Variants in SMYD3 observed in about 807,000 individuals in gnomAD.
SMYD3 encodes histone-lysine N-methyltransferase SMYD3.
Under a neutral mutation model 57.7 loss-of-function variants are expected in SMYD3, and 36 were observed. That is an observed-to-expected ratio of 0.62 (90% CI 0.48 to 0.82). The LOEUF is 0.82. SMYD3 is among the 40% of genes least tolerant of loss of function. The pLI, the probability that SMYD3 is intolerant of heterozygous loss-of-function variation, is 0.00. For missense variants in SMYD3, 515 were observed against 538.8 expected (o/e 0.96, Z 0.44); for synonymous variants, 211 against 195.0 (o/e 1.08, Z -0.68).
chr1:246,107,608 A>G (rs1000603943), intron 5 of SMYD3, among the ~76,000 whole-genome samples: 1 of 151,836 alleles, frequency 6.6e-6, no homozygotes, highest in Non-Finnish European at 1.5e-5. Context: ...TCATTCAAAC[A>G]AAGTTTATTA....
intron 5 of SMYD3, among the ~76,000 whole-genome samples, chr1:246,006,871 C>T (rs2059182422): frequency 6.6e-6 from 1 of 152,140 alleles, no homozygotes; most frequent in Non-Finnish European, 1.5e-5. Context: ...GAGCCTGGAG[C>T]CTCTAAAACA....
intron 10 of SMYD3, among the ~76,000 whole-genome samples, chr1:245,771,139 T>TATAC (rs140025152): frequency 0.081 from 12,247 of 151,712 alleles, 652 homozygotes; most frequent in East Asian, 0.3. Flanking sequence ...TACATGTATA[T>TATAC]ATACATACAT....
In SMYD3 at chr1:246,391,604, A is replaced by G. The variant is rs1022536203; in HGVS notation, c.165-36510T>C. On this transcript the variant is annotated intron_variant, in intron 1 of 11. Coordinates refer to ENST00000490107, the MANE Select transcript of SMYD3 (RefSeq NM_001167740.2). ...TTCAAAAGAAAACAAACCAGTAATC[A>G]TAAGAATGCTGCAGTGACTATATTA... is the stretch of plus-strand genomic sequence containing the variant. Among the ~76,000 whole-genome samples the G allele has an allele frequency of 3.3e-5, 5 of 152,196 alleles. No homozygotes were observed. In the East Asian group the frequency reaches 5.8e-4, roughly 18 times the overall value.
chr1:246,001,037 C>G (rs2148148809), intron 5 of SMYD3, among the ~76,000 whole-genome samples: 1 of 152,284 alleles, frequency 6.6e-6, no homozygotes, highest in South Asian at 2.1e-4. Context: ...CCCATTTACA[C>G]CACTTCACTC....
intron 3 of SMYD3, among the ~76,000 whole-genome samples, chr1:246,334,754 C>A (rs1373053419): frequency 6.6e-6 from 1 of 151,920 alleles, no homozygotes; most frequent in East Asian, 1.9e-4. Flanking sequence ...AGAAGTAGAG[C>A]CTAAAGAATT....
chr1:245,931,938 A>C (rs1373269860), intron 5 of SMYD3, among the ~76,000 whole-genome samples: 1 of 152,218 alleles, frequency 6.6e-6, no homozygotes, highest in Admixed American at 6.5e-5. Context: ...CAAATGCTAA[A>C]TTGCTTTAAG....
Position 246,003,581 on chromosome 1 carries a change from G to A in SMYD3, c.532-73644C>T, listed in dbSNP as rs376486622. Among the ~76,000 whole-genome samples the A allele has an allele frequency of 1.3e-4, 20 of 152,080 alleles. No individual in the cohort carries two copies. The East Asian group carries it at 1.5e-3, about 12-fold the overall frequency. ...TATCTCTTCCCACCCCATTTTGAAC[G>A]GCTCAGCTATCAACAAAATTTTCAA... On this transcript the variant is annotated intron_variant, in intron 5 of 11. Coordinates refer to ENST00000490107, the MANE Select transcript of SMYD3 (RefSeq NM_001167740.2).
intron 5 of SMYD3, among the ~76,000 whole-genome samples, chr1:246,168,266 T>C (rs1455891856): frequency 2.0e-5 from 3 of 152,202 alleles, no homozygotes; most frequent in African/African-American, 4.8e-5. Flanking sequence ...AGCACGTTCA[T>C]GTAATTACTT....
intron 5 of SMYD3, among the ~76,000 whole-genome samples, chr1:246,310,661 C>CTTTTTTTTTTTTTT (rs386370347): frequency 1.4e-5 from 1 of 72,206 alleles, no homozygotes; most frequent in African/African-American, 5.8e-5. Context: ...AAGAGTAAGG[C>CTTTTTTTTTTTTTT]TTTTTTTTTT....
intron 5 of SMYD3, among the ~76,000 whole-genome samples, chr1:246,101,063 G>GTTTTTTTTTTTTTTTTTTTTTTTT (rs1558228762): frequency 1.1e-5 from 1 of 92,954 alleles, no homozygotes; most frequent in Non-Finnish European, 2.6e-5. Flanking sequence ...TATTTTTAGG[G>GTTTTTTTTTTTTTTTTTTTTTTTT]GTTTTTTGTT....
chr1:246,135,948 T>A (rs1375012785), intron 5 of SMYD3, among the ~76,000 whole-genome samples: 4 of 152,158 alleles, frequency 2.6e-5, no homozygotes, highest in African/African-American at 7.2e-5. Context: ...TCCAAAATCA[T>A]CCTTTATTCA....
intron 5 of SMYD3, among the ~76,000 whole-genome samples, chr1:246,018,692 A>G (rs61839428): frequency 0.17 from 25,393 of 149,566 alleles, 2,617 homozygotes; most frequent in East Asian, 0.39. Flanking sequence ...TGCAGCTTCA[A>G]ATTCCGGGGC....
intron 1 of SMYD3, among the ~76,000 whole-genome samples, chr1:246,366,710 C>T (rs564581261): frequency 6.6e-6 from 1 of 151,788 alleles, no homozygotes; most frequent in African/African-American, 2.4e-5. Flanking sequence ...TTGAGGTGGG[C>T]GGATCACGAG....
At chr1:246,327,106 T>C (rs930497830) in intron 5 of SMYD3, 95 bp downstream of exon 5, 6 of 1,466,920 alleles carry the variant, frequency 4.1e-6, no homozygotes, top group Non-Finnish European at 5.7e-6. Flanking sequence ...GTCTTGAATT[T>C]CCTGTCAAGA....
chr1:246,394,715 A>G (rs2066629929), intron 1 of SMYD3, among the ~76,000 whole-genome samples: 1 of 151,214 alleles, frequency 6.6e-6, no homozygotes, highest in Non-Finnish European at 1.5e-5. Context: ...GAGGCTCCCG[A>G]ACCTAGCTAT....
Position 246,435,112 on chromosome 1 carries a change from C to T in SMYD3, c.164+71942G>A, listed in dbSNP as rs542181423. On this transcript the variant is annotated intron_variant, in intron 1 of 11. Transcript: ENST00000490107. ...CACACTTATAAGTGGGAGCTAATCACTGGTACTGCTGGACATAAAGACGGC... is the reference window on the plus strand; with the variant it reads ...CACACTTATAAGTGGGAGCTAATCATTGGTACTGCTGGACATAAAGACGGC... Among the ~76,000 whole-genome samples the T allele has an allele frequency of 6.0e-4, 92 of 152,238 alleles. 1 individual carries two copies. Among genetic ancestry groups the T allele is most frequent in the African/African-American group, 2.2e-3 (91 of 41,546 alleles).
intron 5 of SMYD3, chr1:246,034,386 T>A (rs1431076170): frequency 6.6e-6 from 1 of 152,130 alleles, no homozygotes; most frequent in Non-Finnish European, 1.5e-5. Context: ...ATATGACCAG[T>A]GGAGCAGGTT....
intron 5 of SMYD3, among the ~76,000 whole-genome samples, chr1:246,284,418 TTC>T (rs1488571859): frequency 4.0e-5 from 5 of 124,746 alleles, no homozygotes; most frequent in Non-Finnish European, 8.2e-5. Flanking sequence ...TCTTTTCTTT[TTC>T]TTTTTTTTTT....
intron 1 of SMYD3, among the ~76,000 whole-genome samples, chr1:246,452,839 T>C (rs2067651057): frequency 1.3e-5 from 2 of 152,222 alleles, no homozygotes; most frequent in African/African-American, 4.8e-5. Flanking sequence ...TCTATAACTT[T>C]CTAATGTTTT....
Sources: allele counts gnomAD v4.1 joint callset (sites outside exome capture counted in the v4.1 genomes callset), GRCh38; gene constraint gnomAD v4.1.1; transcripts MANE v1.5; gene names NCBI Gene and HGNC (gene_info 2026-07-23, HGNC 2026-07-21).